The following ARHGAP32 variants were observed in gnomAD, a reference collection of about 807,000 sequenced individuals.
ARHGAP32 encodes the protein rho GTPase-activating protein 32.
Under a neutral mutation model 186.5 loss-of-function variants are expected in ARHGAP32, and 51 were observed. The ratio of observed to expected loss-of-function variants is 0.27; its 90% CI spans 0.22 to 0.35. ARHGAP32 has a LOEUF of 0.35. ARHGAP32 is among the 10% of genes least tolerant of loss of function. The pLI is 1.00. For synonymous variants in ARHGAP32, 950 were observed against 964.3 expected (o/e 0.99, Z 0.27); for missense variants, 2,186 against 2,623.5 (o/e 0.83, Z 3.64).
chr11:129,135,493 C>T (rs1418905934), intron 2 of ARHGAP32, among the ~76,000 whole-genome samples: 1 of 152,178 alleles, frequency 6.6e-6, no homozygotes, highest in Non-Finnish European at 1.5e-5. Context: ...GCTGGCCGGG[C>T]GTGGTGGCTC....
intron 5 of ARHGAP32, among the ~76,000 whole-genome samples, chr11:129,094,777 A>C (rs11821928): frequency 0.07 from 10,590 of 152,268 alleles, 419 homozygotes; most frequent in Middle Eastern, 0.082. Flanking sequence ...TCAATTTGCA[A>C]ACGCGGTCCC....
intron 1 of ARHGAP32, among the ~76,000 whole-genome samples, chr11:129,246,087 C>T (rs752169058): frequency 1.3e-5 from 2 of 151,918 alleles, no homozygotes; most frequent in Non-Finnish European, 2.9e-5. Context: ...TATACTAGTC[C>T]CTGGGAATAA....
At chr11:129,023,067 A>G (rs761068641) in intron 11 of ARHGAP32, among the ~76,000 whole-genome samples, 1 of 152,002 alleles carries the variant, frequency 6.6e-6, no homozygotes, top group African/African-American at 2.4e-5. Flanking sequence ...ACAATCCTGG[A>G]AAGAAAAATG....
intron 6 of ARHGAP32, among the ~76,000 whole-genome samples, chr11:129,076,937 C>G (rs1207993498): frequency 1.3e-5 from 2 of 152,162 alleles, no homozygotes; most frequent in Non-Finnish European, 2.9e-5. Flanking sequence ...TGTGAGTGCC[C>G]CAAGTGTGAA....
At chr11:129,168,623 C>T (rs1007751765) in intron 1 of ARHGAP32, among the ~76,000 whole-genome samples, 2 of 152,172 alleles carry the variant, frequency 1.3e-5, no homozygotes, top group African/African-American at 4.8e-5. Flanking sequence ...GCAGACAAAA[C>T]TGTAAGTATA....
intron 1 of ARHGAP32, among the ~76,000 whole-genome samples, chr11:129,261,967 G>A (rs200784433): frequency 2.0e-5 from 3 of 152,070 alleles, no homozygotes; most frequent in African/African-American, 7.2e-5. Context: ...TATGTTTAGC[G>A]ATTACCATAA....
At chr11:129,147,724 T>G (rs879588719) in intron 2 of ARHGAP32, among the ~76,000 whole-genome samples, 18 of 152,240 alleles carry the variant, frequency 1.2e-4, no homozygotes, top group Non-Finnish European at 2.1e-4. Context: ...TATGGTAATT[T>G]TTGAATTCTC....
chr11:129,191,065 T>C (rs906456694), intron 1 of ARHGAP32, among the ~76,000 whole-genome samples: 4 of 152,188 alleles, frequency 2.6e-5, no homozygotes, highest in African/African-American at 9.6e-5. Context: ...CCTTCCATCA[T>C]TTAACCTAGA....
At chr11:128,988,159 G>T in intron 12 of ARHGAP32, 34 bp from the exon 13 acceptor site, 1 of 1,526,510 alleles carries the variant, frequency 6.6e-7, no homozygotes, top group Non-Finnish European at 9.0e-7. Flanking sequence ...AGATGAAATT[G>T]TAGTATTCAC....
chr11:129,034,865 G>GA (rs1424628964), intron 11 of ARHGAP32, among the ~76,000 whole-genome samples: 2 of 123,758 alleles, frequency 1.6e-5, no homozygotes, highest in Middle Eastern at 4.0e-3. Flanking sequence ...AAAAAAAAAA[G>GA]AAAAAACAGA....
intron 5 of ARHGAP32, among the ~76,000 whole-genome samples, chr11:129,101,891 A>C (rs867956901): frequency 2.0e-5 from 3 of 152,250 alleles, no homozygotes; most frequent in Non-Finnish European, 4.4e-5. Flanking sequence ...ATCATCCACA[A>C]GACACATAAT....
intron 10 of ARHGAP32, among the ~76,000 whole-genome samples, chr11:129,044,256 A>C (rs1939718188): frequency 6.6e-6 from 1 of 152,210 alleles, no homozygotes; most frequent in Non-Finnish European, 1.5e-5. Flanking sequence ...GTATAAATAA[A>C]ATGCATAGAG....
At position 128,973,421 on chromosome 11, in the gene ARHGAP32, G is replaced by A. The variant is rs1346853006; in HGVS notation, c.3085C>T (p.His1029Tyr). 2 of 1,613,322 alleles carry A rather than the reference G, an allele frequency of 1.2e-6. No individual in the cohort carries two copies. The highest frequency in any genetic ancestry group is 1.7e-6 in the Non-Finnish European group (2 of 1,179,540). The change falls in exon 22 of 23, where the codon CAT (histidine) becomes TAT (tyrosine). Residue 1029 changes from histidine to tyrosine, a missense_variant. Physicochemically the swap from His to Tyr is moderately conservative, Grantham distance 83 (BLOSUM62 2). Coordinates refer to ENST00000682385, the MANE Select transcript of ARHGAP32 (RefSeq NM_001378024.1). ...SGQTQTGAVT[H>Y]DPPQDSVPVS... ...GGAACGGAATCCTGAGGGGGGTCAT[G>A]GGTAACTGCTCCTAGTGGGAAATTG...
intron 10 of ARHGAP32, among the ~76,000 whole-genome samples, chr11:129,057,087 G>A (rs182652923): frequency 2.6e-5 from 4 of 152,312 alleles, no homozygotes; most frequent in Admixed American, 1.3e-4. Context: ...AGAGCCAGGC[G>A]AGCTGGCTGA....
At chr11:129,272,473 G>C (rs1016076035) in intron 1 of ARHGAP32, among the ~76,000 whole-genome samples, 5 of 152,170 alleles carry the variant, frequency 3.3e-5, no homozygotes, top group African/African-American at 1.2e-4. Flanking sequence ...CTACAACCCA[G>C]AAATCACACA....
At chr11:129,158,215 G>A (rs544236109) in intron 2 of ARHGAP32, among the ~76,000 whole-genome samples, 29 of 151,956 alleles carry the variant, frequency 1.9e-4, no homozygotes, top group Non-Finnish European at 2.9e-4. Context: ...GATCAATTTC[G>A]CACATAACAA....
chr11:129,155,747 T>C (rs1311380019), intron 2 of ARHGAP32, among the ~76,000 whole-genome samples: 1 of 151,492 alleles, frequency 6.6e-6, no homozygotes, highest in Non-Finnish European at 1.5e-5. Context: ...GAATAGTTGC[T>C]TAAAGAGTTG....
intron 1 of ARHGAP32, among the ~76,000 whole-genome samples, chr11:129,268,966 G>A (rs551921857): frequency 2.6e-5 from 4 of 152,178 alleles, no homozygotes; most frequent in Non-Finnish European, 5.9e-5. Context: ...CTCAGAGAGA[G>A]GGGGGTTATA....
intron 5 of ARHGAP32, among the ~76,000 whole-genome samples, chr11:129,111,448 T>G (rs2135340715): frequency 6.6e-6 from 1 of 152,350 alleles, no homozygotes; most frequent in East Asian, 1.9e-4. Flanking sequence ...TCCTCTTCAA[T>G]TCTTTGAAAT....
Sources: gnomAD v4.1 joint callset for allele counts (sites outside exome capture counted in the v4.1 genomes callset) on GRCh38, gnomAD v4.1.1 for gene constraint, MANE v1.5 for transcripts, NCBI Gene and HGNC (gene_info 2026-07-23, HGNC 2026-07-21) for gene names.